IARS1: variants seen among roughly 807,000 people sequenced by gnomAD.
IARS1 encodes isoleucine--tRNA ligase, cytoplasmic.
Under a neutral mutation model 168.2 loss-of-function variants are expected in IARS1, and 124 were observed. That is an observed-to-expected ratio of 0.74 (90% confidence interval 0.64 to 0.86). The LOEUF is 0.86. IARS1 is among the 40% of genes least tolerant of loss of function. The probability of loss-of-function intolerance (pLI) is 0.00; values close to 1 mark genes in which losing one functional copy is unlikely to be tolerated. For missense variants in IARS1, 1,452 were observed against 1,515.8 expected, an observed-to-expected ratio of 0.96 and a Z score of 0.70; for synonymous variants, 532 against 529.4, an observed-to-expected ratio of 1.00 and a Z score of -0.07.
At chr9:92,222,440 T>C in intron 33 of IARS1, 80 bp downstream of exon 33, 3 of 1,094,328 alleles carry the variant, frequency 2.7e-6, no homozygotes, top group Middle Eastern at 2.1e-4. Context: ...CTATCTTACA[T>C]GTATATGCTA....
chr9:92,222,836 C>T (rs895414475), intron 32 of IARS1, among the ~76,000 whole-genome samples, 164 bp from the exon 33 acceptor site: 1 of 150,204 alleles, frequency 6.7e-6, no homozygotes, highest in African/African-American at 2.5e-5. Flanking sequence ...AAACAGCTCT[C>T]AACATTTCAT....
intron 1 of IARS1, chr9:92,292,636 A>G (rs1268108672): frequency 1.9e-5 from 3 of 155,530 alleles, no homozygotes; most frequent in African/African-American, 7.2e-5. Flanking sequence ...CTTGTTGTGC[A>G]GAGGGATGCC....
At chr9:92,252,178 G>T (rs1830094464) in intron 21 of IARS1, among the ~76,000 whole-genome samples, 1 of 152,038 alleles carries the variant, frequency 6.6e-6, no homozygotes, top group Non-Finnish European at 1.5e-5. Flanking sequence ...AGGACCCGAA[G>T]GCTGAAGGTA....
intron 17 of IARS1, among the ~76,000 whole-genome samples, chr9:92,261,096 C>T (rs773795190): frequency 6.6e-6 from 1 of 152,094 alleles, no homozygotes; most frequent in Non-Finnish European, 1.5e-5. Context: ...ATCGCCTGAG[C>T]TCAGGAGCTC....
chr9:92,282,827 T>C (rs1056016617), intron 6 of IARS1, among the ~76,000 whole-genome samples: 2 of 147,030 alleles, frequency 1.4e-5, no homozygotes, highest in African/African-American at 5.1e-5. Flanking sequence ...CTTACATATA[T>C]ACATACACAC....
intron 16 of IARS1, among the ~76,000 whole-genome samples, chr9:92,264,336 C>CAAA (rs528571634): frequency 2.0e-5 from 2 of 99,050 alleles, no homozygotes. Context: ...GATTCTGTCT[C>CAAA]AAAAAAAAAA....
At chr9:92,213,899 C>T (rs1304223313) in intron 33 of IARS1, among the ~76,000 whole-genome samples, 1 of 152,020 alleles carries the variant, frequency 6.6e-6, no homozygotes, top group African/African-American at 2.4e-5. Flanking sequence ...GCAACCTCTG[C>T]CTCCCAGGTT....
At chr9:92,249,811 T>C in intron 25 of IARS1, 47 bp downstream of exon 25, 1 of 917,682 alleles carries the variant, frequency 1.1e-6, no homozygotes, top group Non-Finnish European at 1.7e-6. Context: ...ATCAAAATAA[T>C]GTTCTAAGTC....
intron 7 of IARS1, among the ~76,000 whole-genome samples, chr9:92,279,927 A>G (rs1176392532): frequency 2.6e-5 from 4 of 152,226 alleles, no homozygotes; most frequent in African/African-American, 4.8e-5. Context: ...TTTAATTAGC[A>G]TAATGTCCTC....
At chr9:92,258,205 G>A (rs1418149688) in intron 19 of IARS1, among the ~76,000 whole-genome samples, 1 of 152,140 alleles carries the variant, frequency 6.6e-6, no homozygotes, top group Non-Finnish European at 1.5e-5. Context: ...CTCTCTAAAA[G>A]TTGCTGACTC....
intron 16 of IARS1, among the ~76,000 whole-genome samples, chr9:92,264,399 A>T (rs1831983815): frequency 6.6e-6 from 1 of 152,098 alleles, no homozygotes; most frequent in Non-Finnish European, 1.5e-5. Context: ...AAAGAAAGTA[A>T]TTCACCTTCT....
At chr9:92,282,026 A>T (rs939015484) in intron 6 of IARS1, among the ~76,000 whole-genome samples, 2 of 107,600 alleles carry the variant, frequency 1.9e-5, no homozygotes, top group Non-Finnish European at 4.2e-5. Flanking sequence ...GCAGAACCCA[A>T]TAAGATCTAC....
intron 17 of IARS1, 150 bp from the exon 18 acceptor site, chr9:92,260,384 G>C (rs925404781): frequency 3.1e-6 from 2 of 652,458 alleles, no homozygotes; most frequent in Non-Finnish European, 2.8e-6. Flanking sequence ...GGCCGGGCGC[G>C]GTGGCTCACT....
chr9:92,262,846 T>C (rs1335079686), intron 17 of IARS1, 123 bp downstream of exon 17: 2 of 702,164 alleles, frequency 2.8e-6, no homozygotes, highest in African/African-American at 1.8e-5. Flanking sequence ...ACACTCCTTC[T>C]TGAGAAACAG....
chr9:92,227,427 G>A (rs1825888548), intron 31 of IARS1, among the ~76,000 whole-genome samples: 1 of 145,902 alleles, frequency 6.9e-6, no homozygotes, highest in Non-Finnish European at 1.5e-5. Context: ...GGCTGGCCGG[G>A]CGGGGGGCTG....
chr9:92,277,797 A>C, intron 9 of IARS1, 66 bp downstream of exon 9: 1 of 1,378,394 alleles, frequency 7.3e-7, no homozygotes, highest in Non-Finnish European at 1.0e-6. Flanking sequence ...TCCACTTCTC[A>C]CAACACCCCA....
intron 16 of IARS1, among the ~76,000 whole-genome samples, chr9:92,264,060 C>T (rs557825092): frequency 8.9e-4 from 135 of 152,168 alleles, no homozygotes; most frequent in African/African-American, 2.8e-3. Flanking sequence ...CTGGGCTGGG[C>T]GCAATGGCTC....
At chr9:92,225,745 G>A (rs1182880957) in intron 31 of IARS1, among the ~76,000 whole-genome samples, 1 of 149,946 alleles carries the variant, frequency 6.7e-6, no homozygotes, top group Admixed American at 6.6e-5. Context: ...CCTGGTTCTG[G>A]GTAATGGCTT....
At chr9:92,230,373 A>C (rs1203746590) in intron 30 of IARS1, among the ~76,000 whole-genome samples, 3 of 152,156 alleles carry the variant, frequency 2.0e-5, no homozygotes, top group Admixed American at 1.3e-4. Flanking sequence ...TCGGCTTCCC[A>C]AAGTGCTGGG....
Sources: allele counts gnomAD v4.1 joint callset (sites outside exome capture counted in the v4.1 genomes callset), GRCh38; gene constraint gnomAD v4.1.1; transcripts MANE v1.5; gene names NCBI Gene and HGNC (gene_info 2026-07-23, HGNC 2026-07-21).